APAF1: variants seen among roughly 807,000 people sequenced by gnomAD.
The protein encoded by APAF1 is apoptotic protease-activating factor 1.
APAF1 carries 91 observed loss-of-function variants against 152.4 expected under a neutral mutation model. The observed-to-expected ratio is 0.60, with a 90% confidence interval of 0.50 to 0.71. The LOEUF is 0.71. Among genes scored for constraint, APAF1 ranks in the 30% least tolerant of loss-of-function variants. The pLI is 0.00. For missense variants in APAF1, 1,283 were observed against 1,472.0 expected (o/e 0.87, Z 2.10); for synonymous variants, 484 against 494.1 (o/e 0.98, Z 0.27).
chr12:98,733,878 TC>T lies in APAF1; in HGVS notation c.*1315del, dbSNP rs2097765516. On this transcript the variant is annotated 3_prime_UTR_variant, in exon 27 of 27. Transcript: ENST00000551964. ...TATCTGAGTTGGACACTATTCCTGC[TC>T]CCTCTTGTTTCTTACATATCAGACT... The T allele has an allele frequency of 6.6e-6, 1 of 152,182 alleles. No individual in the cohort carries two copies. Among genetic ancestry groups the T allele is most frequent in the South Asian group, 2.1e-4 (1 of 4,824 alleles). The allele number at this position is 152,182 out of a possible 1,614,324, so 9.4% of individuals were successfully genotyped here.
intron 4 of APAF1, among the ~76,000 whole-genome samples, chr12:98,653,773 T>C (rs2097652926): frequency 7.0e-6 from 1 of 142,220 alleles, no homozygotes; most frequent in Non-Finnish European, 1.5e-5. Context: ...CAGTTGTCTT[T>C]TGAAATTTCA....
chr12:98,708,662 T>C lies in APAF1; in HGVS notation c.2799T>C (p.Asn933=). The C allele has an allele frequency of 6.2e-7, 1 of 1,613,808 alleles. No homozygotes were observed. The highest frequency in any genetic ancestry group is 8.5e-7 in the Non-Finnish European group (1 of 1,179,868). The stretch of plus-strand genomic sequence containing the variant: ...AAGTAGATGTTGTGTTTCAAGAAAA[T>C]GAAGTGATGGTCCTTGCAGTTGACC... ...KQEVDVVFQE[N]EVMVLAVDHI... is the part of the protein sequence containing the mutation. Residue 933 remains asparagine (N), a synonymous_variant, in exon 20 of 27, where the codon AAT becomes AAC. Transcript: ENST00000551964.
intron 7 of APAF1, among the ~76,000 whole-genome samples, chr12:98,665,348 T>A (rs2097671315): frequency 6.8e-6 from 1 of 147,208 alleles, no homozygotes; most frequent in Non-Finnish European, 1.5e-5. Flanking sequence ...ATAAAGATAA[T>A]CAGGAACTTA....
At chr12:98,697,909 G>A (rs551859759) in intron 16 of APAF1, among the ~76,000 whole-genome samples, 1 of 152,284 alleles carries the variant, frequency 6.6e-6, no homozygotes, top group African/African-American at 2.4e-5. Context: ...TTCAGGCTCT[G>A]AGATGAACTG....
At position 98,732,492 on chromosome 12, in the gene APAF1, G is replaced by A. The variant is rs201029707; in HGVS notation, c.3673G>A (p.Val1225Met). The A allele has an allele frequency of 6.3e-5, 100 of 1,599,242 alleles. No homozygotes were observed. The highest frequency in any genetic ancestry group is 1.7e-5 in the Admixed American group (1 of 59,972). ...TGGAACCAATCTTAAGAAAATACAC[G>A]TGTCCCCTGACTTCAAAACATATGT... ...TNGTNLKKIH[V>M]SPDFKTYVTV... The change falls in exon 27 of 27, where the codon GTG becomes ATG. Residue 1225 changes from valine (V) to methionine (M), a missense_variant. Transcript: ENST00000551964.
At chr12:98,672,630 C>A (rs980063779) in intron 12 of APAF1, among the ~76,000 whole-genome samples, 1 of 151,866 alleles carries the variant, frequency 6.6e-6, no homozygotes, top group Non-Finnish European at 1.5e-5. Context: ...CTTACCTTTC[C>A]TTATAAAAAG....
At chr12:98,729,334 T>A (rs140946023) in intron 26 of APAF1, among the ~76,000 whole-genome samples, 1 of 152,224 alleles carries the variant, frequency 6.6e-6, no homozygotes, top group East Asian at 1.9e-4. Context: ...CGGGGAATGG[T>A]TTCAGGATTA....
chr12:98,725,619 A>G (rs2097749354), intron 25 of APAF1, 79 bp downstream of exon 25: 1 of 1,594,548 alleles, frequency 6.3e-7, no homozygotes, highest in South Asian at 1.1e-5. Flanking sequence ...ACCTTTGTTC[A>G]CGGGCCAGGG....
chr12:98,675,416 T>C (rs1383438981), intron 12 of APAF1, among the ~76,000 whole-genome samples: 2 of 152,210 alleles, frequency 1.3e-5, no homozygotes, highest in Non-Finnish European at 2.9e-5. Context: ...TCTGTTCTTC[T>C]AGTTGTCATC....
intron 16 of APAF1, among the ~76,000 whole-genome samples, chr12:98,689,468 G>GTC (rs1316509758): frequency 0.024 from 3,369 of 140,242 alleles, 122 homozygotes; most frequent in African/African-American, 0.081. Context: ...GAGAGAGTGT[G>GTC]TGTGTCTGTG....
chr12:98,678,383 C>T (rs534206629), intron 13 of APAF1, among the ~76,000 whole-genome samples: 196 of 152,294 alleles, frequency 1.3e-3, no homozygotes, highest in Non-Finnish European at 2.1e-3. Context: ...GTGGAGCTGG[C>T]GGTAGCTGGG....
intron 20 of APAF1, 86 bp from the exon 21 acceptor site, chr12:98,712,233 T>G (rs2097728668): frequency 1.3e-6 from 1 of 795,810 alleles, no homozygotes; most frequent in African/African-American, 1.7e-5. Flanking sequence ...GTGTTTTATT[T>G]TATTTTTTTC....
At chr12:98,687,369 A>T (rs894947672) in intron 16 of APAF1, among the ~76,000 whole-genome samples, 1 of 152,072 alleles carries the variant, frequency 6.6e-6, no homozygotes, top group Non-Finnish European at 1.5e-5. Context: ...CTCAAAAAAA[A>T]AAAAAAAAGT....
At chr12:98,695,714 C>T (rs540761979) in intron 16 of APAF1, among the ~76,000 whole-genome samples, 1 of 152,252 alleles carries the variant, frequency 6.6e-6, no homozygotes, top group Non-Finnish European at 1.5e-5. Flanking sequence ...GGACACAGGC[C>T]CCCTGGGTTG....
chr12:98,706,024 A>G (rs1400367268), intron 18 of APAF1, among the ~76,000 whole-genome samples: 1 of 152,204 alleles, frequency 6.6e-6, no homozygotes, highest in Non-Finnish European at 1.5e-5. Flanking sequence ...TATTTCTTGC[A>G]TATATAAGCA....
chr12:98,695,783 C>T (rs887279873), intron 16 of APAF1, among the ~76,000 whole-genome samples: 1 of 152,076 alleles, frequency 6.6e-6, no homozygotes, highest in African/African-American at 2.4e-5. Context: ...CTTAGCTTCA[C>T]CTTTATCAGA....
chr12:98,655,080 C>T (rs1349700561), intron 4 of APAF1, among the ~76,000 whole-genome samples: 2 of 111,870 alleles, frequency 1.8e-5, no homozygotes, highest in African/African-American at 6.8e-5. Flanking sequence ...GCACATCTTG[C>T]ACCGCCCTTA....
At chr12:98,716,429 T>C (rs1237258487) in intron 22 of APAF1, among the ~76,000 whole-genome samples, 2 of 152,232 alleles carry the variant, frequency 1.3e-5, no homozygotes, top group Non-Finnish European at 2.9e-5. Context: ...ATGCATTTTT[T>C]GCCTTAACGC....
At position 98,686,610 on chromosome 12, in the gene APAF1, C is replaced by T. The variant is rs141674878; in HGVS notation, c.2179-138C>T. On this transcript the variant is annotated intron_variant, in intron 15 of 26. Coordinates refer to ENST00000551964, the MANE Select transcript of APAF1 (RefSeq NM_181861.2). ...CACAAGTTCATTTTTGTGTTTGATA[C>T]GTTTGTGTTACTGTGAATTAAACAT... 60 of 819,964 alleles carry T rather than the reference C, an allele frequency of 7.3e-5. No individual in the cohort carries two copies. In the East Asian group the frequency reaches 1.2e-3, roughly 17 times the overall value. The allele number at this position is 819,964 out of a possible 1,614,324, so 50.8% of individuals were successfully genotyped here. A position where few individuals can be genotyped will look rare whatever the true frequency, so the allele number is the denominator to read the frequency against.
Sources: gnomAD v4.1 joint callset for allele counts (sites outside exome capture counted in the v4.1 genomes callset) on GRCh38, gnomAD v4.1.1 for gene constraint, MANE v1.5 for transcripts, NCBI Gene and HGNC (gene_info 2026-07-23, HGNC 2026-07-21) for gene names.